Variants in CSMD1 observed in about 807,000 individuals in gnomAD.
The protein encoded by CSMD1 is CUB and Sushi multiple domains 1, also known as CUB and sushi domain-containing protein 1.
A neutral mutation model predicts 417.5 loss-of-function variants in CSMD1; 213 were observed. The ratio of observed to expected loss-of-function variants is 0.51; its 90% confidence interval spans 0.46 to 0.57. The LOEUF (loss-of-function observed/expected upper bound fraction) is 0.57. Ranked by LOEUF, CSMD1 falls within the 20% of genes least tolerant of loss-of-function variation. CSMD1 has a pLI of 0.00. For missense variants in CSMD1, 6,923 were observed against 4,529.7 expected, an observed-to-expected ratio of 1.53 and a Z score of -15.17; for synonymous variants, 2,862 against 1,736.8, an observed-to-expected ratio of 1.65 and a Z score of -16.11.
At chr8:4,077,299 A>ATATATATATATATATATATGGG (rs1554439881) in intron 3 of CSMD1, among the ~76,000 whole-genome samples, 5 of 66,124 alleles carry the variant, frequency 7.6e-5, no homozygotes, top group African/African-American at 2.1e-4. Flanking sequence ...ATATATGTGT[A>ATATATATATATATATATATGGG]TATATATATA....
intron 23 of CSMD1, among the ~76,000 whole-genome samples, chr8:3,312,520 A>G (rs1327755348): frequency 6.6e-6 from 1 of 152,194 alleles, no homozygotes; most frequent in Non-Finnish European, 1.5e-5. Flanking sequence ...AATTTTCAGT[A>G]GACTGAAGAG....
chr8:4,514,643 C>G (rs1274963260), intron 2 of CSMD1, among the ~76,000 whole-genome samples: 1 of 152,068 alleles, frequency 6.6e-6, no homozygotes, highest in East Asian at 1.9e-4. Context: ...CAACATCAGC[C>G]CTGTTAAATA....
Position 3,468,746 on chromosome 8 carries a change from G to A in CSMD1, c.1527C>T (p.Ser509=). 2.5e-6 allele frequency: 4 copies of A among 1,606,586 alleles called. No individual in the cohort carries two copies. The highest frequency in any genetic ancestry group is 2.7e-5 in the African/African-American group (2 of 74,938). Residue 509 remains serine (S), a synonymous_variant, in exon 12 of 70, where the codon AGC becomes AGT. Coordinates refer to ENST00000635120, the MANE Select transcript of CSMD1 (RefSeq NM_033225.6). ...QMWLHLQSDD[S]IGSPGFKAVY... ...CAGCTTTAAACCCAGGTGAGCCAAT[G>A]CTATCATCCGACTGCAGATGTAGCC...
intron 11 of CSMD1, among the ~76,000 whole-genome samples, chr8:3,487,605 G>C (rs139194602): frequency 4.6e-5 from 7 of 152,262 alleles, no homozygotes; most frequent in African/African-American, 1.4e-4. Flanking sequence ...GGTAAATTTG[G>C]TGTATAAATA....
intron 3 of CSMD1, among the ~76,000 whole-genome samples, chr8:4,335,526 A>C (rs1436008714): frequency 6.6e-6 from 1 of 152,110 alleles, no homozygotes; most frequent in Non-Finnish European, 1.5e-5. Context: ...GCCATGTAAG[A>C]ACATCAGCAC....
chr8:4,899,358 CAAAAT>C (rs1804715046), intron 1 of CSMD1, among the ~76,000 whole-genome samples: 1 of 151,716 alleles, frequency 6.6e-6, no homozygotes, highest in Non-Finnish European at 1.5e-5. Flanking sequence ...GTGAGCCACT[CAAAAT>C]AAAGATGAAA....
At chr8:2,978,323 G>A (rs940790036) in intron 55 of CSMD1, among the ~76,000 whole-genome samples, 1 of 152,150 alleles carries the variant, frequency 6.6e-6, no homozygotes, top group African/African-American at 2.4e-5. Context: ...GAGGCTGAAG[G>A]CAAGCCATGA....
At chr8:3,241,927 C>T (rs939811983) in intron 26 of CSMD1, among the ~76,000 whole-genome samples, 5 of 147,602 alleles carry the variant, frequency 3.4e-5, no homozygotes, top group African/African-American at 5.0e-5. Flanking sequence ...TATTTAATGC[C>T]GGGAGCAGAT....
intron 2 of CSMD1, among the ~76,000 whole-genome samples, chr8:4,434,518 T>C (rs1318881553): frequency 6.6e-6 from 1 of 152,134 alleles, no homozygotes; most frequent in Admixed American, 6.5e-5. Context: ...AGCAAAATTG[T>C]CTGATGAAGC....
At chr8:4,276,781 A>C (rs575600806) in intron 3 of CSMD1, among the ~76,000 whole-genome samples, 1 of 152,298 alleles carries the variant, frequency 6.6e-6, no homozygotes, top group Non-Finnish European at 1.5e-5. Context: ...CCCTCAGGGG[A>C]AAGAAAAATA....
intron 5 of CSMD1, among the ~76,000 whole-genome samples, chr8:3,934,547 C>G (rs1810357071): frequency 6.6e-6 from 1 of 152,116 alleles, no homozygotes; most frequent in Non-Finnish European, 1.5e-5. Flanking sequence ...TTATCACTAA[C>G]TAAGGGTTAA....
chr8:3,613,052 A>T (rs1010540798), intron 8 of CSMD1, among the ~76,000 whole-genome samples: 4 of 152,116 alleles, frequency 2.6e-5, no homozygotes, highest in Non-Finnish European at 5.9e-5. Flanking sequence ...AACAAGTAAA[A>T]TTTTTTTAAA....
rs74954471 is a variant in CSMD1, at chr8:3,073,927, T to C, written c.7474+13170A>G. 3.3e-3 allele frequency among the ~76,000 whole-genome samples: 499 copies of C among 152,326 alleles called. 31 individuals are homozygous for C. The East Asian group carries it at 0.089, about 27-fold the overall frequency. ...AGATTGGCAATTATAATGATTTCTT[T>C]TTATTGCAACATAAATTATTCCACA... On this transcript the variant is annotated intron_variant, in intron 49 of 69. Transcript: ENST00000635120.
chr8:3,450,397 G>C (rs960159615), intron 12 of CSMD1, among the ~76,000 whole-genome samples: 12 of 151,766 alleles, frequency 7.9e-5, no homozygotes, highest in Admixed American at 4.6e-4. Context: ...TGCCATGTTG[G>C]TGTGCTGCAC....
At chr8:4,846,056 C>T (rs545009940) in intron 1 of CSMD1, among the ~76,000 whole-genome samples, 23 of 152,286 alleles carry the variant, frequency 1.5e-4, no homozygotes, top group East Asian at 1.9e-4. Context: ...TTGCCAATCC[C>T]GGTTTGTTGT....
intron 3 of CSMD1, among the ~76,000 whole-genome samples, chr8:4,292,082 G>A (rs1379427603): frequency 6.6e-6 from 1 of 152,062 alleles, no homozygotes; most frequent in African/African-American, 2.4e-5. Flanking sequence ...AAACACCAAG[G>A]AGATATACCA....
chr8:4,745,879 T>C (rs1029690023), intron 1 of CSMD1, among the ~76,000 whole-genome samples: 1 of 152,330 alleles, frequency 6.6e-6, no homozygotes, highest in South Asian at 2.1e-4. Context: ...CTTCTGAGCT[T>C]GATCCAGGCT....
chr8:3,509,551 T>A (rs915464501), intron 10 of CSMD1, among the ~76,000 whole-genome samples: 2 of 152,210 alleles, frequency 1.3e-5, no homozygotes, highest in Non-Finnish European at 2.9e-5. Context: ...CCTCTAAATT[T>A]TATTCAATTC....
At chr8:3,410,170 C>G (rs898499205) in intron 12 of CSMD1, among the ~76,000 whole-genome samples, 1 of 152,186 alleles carries the variant, frequency 6.6e-6, no homozygotes, top group Non-Finnish European at 1.5e-5. Flanking sequence ...ACATATGCGT[C>G]CAAATACACC....
Sources: allele counts gnomAD v4.1 joint callset (sites outside exome capture counted in the v4.1 genomes callset), GRCh38; gene constraint gnomAD v4.1.1; transcripts MANE v1.5; gene names NCBI Gene and HGNC (gene_info 2026-07-23, HGNC 2026-07-21).